Variants in PPA2 observed in about 807,000 individuals in gnomAD.
The protein encoded by PPA2 is inorganic pyrophosphatase 2.
PPA2 carries 48 observed loss-of-function variants against 49.5 expected under a neutral mutation model. The observed-to-expected ratio is 0.97, with a 90% CI of 0.77 to 1.23. The LOEUF (loss-of-function observed/expected upper bound fraction) is 1.23. Among genes scored for constraint, PPA2 ranks in the 50% most tolerant of loss-of-function variants. The probability of loss-of-function intolerance (pLI) is 0.00; values close to 1 mark genes in which losing one functional copy is unlikely to be tolerated. For synonymous variants in PPA2, 131 were observed against 139.9 expected (o/e 0.94, Z 0.45); for missense variants, 429 against 410.1 (o/e 1.05, Z -0.40).
intron 1 of PPA2, among the ~76,000 whole-genome samples, chr4:105,462,177 T>C (rs1425607832): frequency 6.6e-6 from 1 of 152,136 alleles, no homozygotes; most frequent in Admixed American, 6.5e-5. Flanking sequence ...CCGTTATTTT[T>C]AAAGACAGTA....
At position 105,369,869 on chromosome 4, in the gene PPA2, C is replaced by A; in HGVS notation, c.977-116G>T. Reference sequence around the variant, plus strand: ...AAGTATTTAGGCAGATACAAACAGTCATAAGCTATCTAAAGTTGCATTTCT... The same window carrying A: ...AAGTATTTAGGCAGATACAAACAGTAATAAGCTATCTAAAGTTGCATTTCT... On this transcript the variant is annotated intron_variant, in intron 11 of 11. Coordinates refer to ENST00000341695, the MANE Select transcript of PPA2 (RefSeq NM_176869.3). The A allele has an allele frequency of 3.2e-6, 3 of 923,484 alleles. No individual in the cohort carries two copies. The South Asian group carries it at 4.4e-5, about 13-fold the overall frequency. The allele number at this position is 923,484 out of a possible 1,614,324, so 57.2% of individuals were successfully genotyped here.
intron 5 of PPA2, among the ~76,000 whole-genome samples, chr4:105,441,589 A>T (rs1050511934): frequency 3.3e-5 from 5 of 152,114 alleles, no homozygotes; most frequent in Admixed American, 2.6e-4. Flanking sequence ...TACTATCTAT[A>T]GAATAGTTAT....
intron 7 of PPA2, among the ~76,000 whole-genome samples, chr4:105,403,191 T>A (rs1356922658): frequency 1.3e-5 from 2 of 151,994 alleles, no homozygotes; most frequent in African/African-American, 2.4e-5. Context: ...GCTTGGCTAA[T>A]CTTTTTTGTT....
At chr4:105,394,373 C>CAA (rs34736301) in intron 9 of PPA2, among the ~76,000 whole-genome samples, 4,513 of 96,796 alleles carry the variant, frequency 0.047, 246 homozygotes, top group African/African-American at 0.14. Flanking sequence ...GATTCCATTT[C>CAA]AAAAAAAAAA....
At chr4:105,450,027 C>T (rs997432938) in intron 3 of PPA2, among the ~76,000 whole-genome samples, 1 of 152,094 alleles carries the variant, frequency 6.6e-6, no homozygotes, top group African/African-American at 2.4e-5. Context: ...GTTACAAACT[C>T]ACTATGGCTT....
At chr4:105,373,273 T>C (rs1328972396) in intron 10 of PPA2, among the ~76,000 whole-genome samples, 1 of 152,190 alleles carries the variant, frequency 6.6e-6, no homozygotes, top group East Asian at 1.9e-4. Context: ...TAAATCTGGG[T>C]ATGACAGTAA....
At position 105,458,850 on chromosome 4, in the gene PPA2, T is replaced by C. The variant is rs575647179; in HGVS notation, c.158-2105A>G. The stretch of plus-strand genomic sequence containing the variant: ...AAAAAAAAAAAAAAAAAAAAAGGCA[T>C]GTAACTTAACAATGAAATTGTTAAT... On this transcript the variant is annotated intron_variant, in intron 1 of 11. Transcript: ENST00000341695. Among the ~76,000 whole-genome samples, 218 of 141,546 alleles carry C rather than the reference T, an allele frequency of 1.5e-3. 2 individuals carry two copies. Among genetic ancestry groups the C allele is most frequent in the African/African-American group, 5.6e-3 (212 of 37,844 alleles). The allele number at this position is 141,546 out of a possible 152,430, so 92.9% of individuals were successfully genotyped here. A position where few individuals can be genotyped will look rare whatever the true frequency, so the allele number is the denominator to read the frequency against.
intron 2 of PPA2, among the ~76,000 whole-genome samples, chr4:105,454,175 C>T (rs1722781041): frequency 6.6e-6 from 1 of 152,076 alleles, no homozygotes; most frequent in Non-Finnish European, 1.5e-5. Flanking sequence ...AAAATTATGC[C>T]ATTCACAAAT....
At chr4:105,417,585 G>A (rs2726463) in intron 7 of PPA2, among the ~76,000 whole-genome samples, 89,117 of 150,418 alleles carry the variant, frequency 0.59, 26,505 homozygotes, top group East Asian at 0.68. Context: ...AAGAGGTCAA[G>A]GTTCAAAAAA....
chr4:105,443,032 G>A (rs756620510), intron 5 of PPA2, among the ~76,000 whole-genome samples: 1 of 152,090 alleles, frequency 6.6e-6, no homozygotes, highest in Non-Finnish European at 1.5e-5. Flanking sequence ...CAGAATACCT[G>A]CCCTCATGAA....
intron 6 of PPA2, among the ~76,000 whole-genome samples, chr4:105,425,188 C>T (rs1472009561): frequency 6.6e-6 from 1 of 152,136 alleles, no homozygotes; most frequent in East Asian, 1.9e-4. Flanking sequence ...ACACAACATC[C>T]AAGATCCTGT....
intron 10 of PPA2, among the ~76,000 whole-genome samples, chr4:105,371,867 G>C (rs978910744): frequency 6.6e-6 from 1 of 152,114 alleles, no homozygotes; most frequent in Non-Finnish European, 1.5e-5. Context: ...ACATGTGTCT[G>C]GATGCAGCAG....
At chr4:105,422,591 A>C (rs539465222) in intron 7 of PPA2, among the ~76,000 whole-genome samples, 1 of 152,014 alleles carries the variant, frequency 6.6e-6, no homozygotes, top group African/African-American at 2.4e-5. Flanking sequence ...GCTTGGTATA[A>C]TATTATAGAT....
intron 4 of PPA2, among the ~76,000 whole-genome samples, chr4:105,447,694 T>G (rs1054190897): frequency 6.6e-6 from 1 of 151,968 alleles, no homozygotes; most frequent in Admixed American, 6.6e-5. Flanking sequence ...AAAAAAGAGA[T>G]TCTCACCAAC....
At chr4:105,386,531 T>C (rs1462227234) in intron 10 of PPA2, 36 bp downstream of exon 10, 1 of 1,566,560 alleles carries the variant, frequency 6.4e-7, no homozygotes, top group East Asian at 2.3e-5. Flanking sequence ...ATGACATTTA[T>C]AAGATTAAAG....
chr4:105,446,606 A>G, intron 4 of PPA2, 104 bp from the exon 5 acceptor site: 3 of 1,303,428 alleles, frequency 2.3e-6, no homozygotes, highest in African/African-American at 1.5e-5. Context: ...CTAAACATTC[A>G]TATTTCAACT....
intron 2 of PPA2, chr4:105,456,423 T>C (rs1722877661): frequency 2.2e-6 from 1 of 454,592 alleles, no homozygotes; most frequent in South Asian, 2.1e-5. Flanking sequence ...CCTAAATTAC[T>C]ACCCTTAAAT....
chr4:105,374,858 C>CTTTTTTT (rs377243001), intron 10 of PPA2, among the ~76,000 whole-genome samples: 3 of 131,832 alleles, frequency 2.3e-5, no homozygotes, highest in East Asian at 2.2e-4. Context: ...TTTCTTTTTT[C>CTTTTTTT]TTTTTTTTTT....
chr4:105,401,969 C>T (rs185135419), intron 7 of PPA2, among the ~76,000 whole-genome samples: 189 of 152,268 alleles, frequency 1.2e-3, no homozygotes, highest in African/African-American at 4.5e-3. Flanking sequence ...TTTATGCTAA[C>T]TGTATCTTTT....
Sources: gnomAD v4.1 joint callset for allele counts (sites outside exome capture counted in the v4.1 genomes callset) on GRCh38, gnomAD v4.1.1 for gene constraint, MANE v1.5 for transcripts, NCBI Gene and HGNC (gene_info 2026-07-23, HGNC 2026-07-21) for gene names.